Variants in SCAPER observed in about 807,000 individuals in gnomAD.
The protein encoded by SCAPER is S-phase cyclin A associated protein in the ER.
In SCAPER, 98 loss-of-function variants were observed where a neutral mutation model predicts 182.2. The observed-to-expected ratio is 0.54, with a 90% CI of 0.46 to 0.64. The LOEUF (loss-of-function observed/expected upper bound fraction) is 0.64. Among genes scored for constraint, SCAPER ranks in the 30% least tolerant of loss-of-function variants. The pLI, the probability that SCAPER is intolerant of heterozygous loss-of-function variation, is 0.00. For missense variants in SCAPER, 1,432 were observed against 1,690.0 expected (o/e 0.85, Z 2.68); for synonymous variants, 605 against 564.6 (o/e 1.07, Z -1.01).
At chr15:76,470,714 T>C (rs565426302) in intron 25 of SCAPER, among the ~76,000 whole-genome samples, 1 of 152,318 alleles carries the variant, frequency 6.6e-6, no homozygotes, top group African/African-American at 2.4e-5. Flanking sequence ...AATTGGCTGC[T>C]TGTTCCCATT....
rs2068214262 is a variant in SCAPER at position 76,828,751 on chromosome 15, T to C, written c.393+12983A>G. ...GTGAGGTAACAGAAGCCAACTCCCATAAATGCAGAAGTGAACTCTTAGCCT... is the reference window on the plus strand; with the variant it reads ...GTGAGGTAACAGAAGCCAACTCCCACAAATGCAGAAGTGAACTCTTAGCCT... On this transcript the variant is annotated intron_variant, in intron 5 of 31. Transcript: ENST00000563290. 2.6e-5 allele frequency among the ~76,000 whole-genome samples: 4 copies of C among 152,218 alleles called. No homozygotes were observed. The South Asian group carries it at 8.3e-4, about 32-fold the overall frequency.
chr15:76,625,077 C>T (rs2052443929), intron 21 of SCAPER, among the ~76,000 whole-genome samples: 1 of 152,100 alleles, frequency 6.6e-6, no homozygotes, highest in African/African-American at 2.4e-5. Context: ...TACTCGGGTA[C>T]CAACAGCGGT....
At chr15:76,868,811 T>C (rs1380522967) in intron 2 of SCAPER, among the ~76,000 whole-genome samples, 5 of 151,882 alleles carry the variant, frequency 3.3e-5, no homozygotes, top group Non-Finnish European at 5.9e-5. Flanking sequence ...GAACACAAAA[T>C]ACCCCAAACA....
intron 20 of SCAPER, among the ~76,000 whole-genome samples, chr15:76,677,864 AT>A (rs915861683): frequency 2.0e-5 from 3 of 151,772 alleles, no homozygotes; most frequent in African/African-American, 7.3e-5. Flanking sequence ...TTTAAGAGAC[AT>A]GGGGAAAAAA....
chr15:76,817,063 C>T (rs2067147506), intron 5 of SCAPER, among the ~76,000 whole-genome samples: 1 of 152,310 alleles, frequency 6.6e-6, no homozygotes, highest in Non-Finnish European at 1.5e-5. Flanking sequence ...CTATCAGCAT[C>T]ATCACAAACA....
intron 15 of SCAPER, among the ~76,000 whole-genome samples, chr15:76,738,528 C>T (rs1054617576): frequency 8.5e-6 from 1 of 117,774 alleles, no homozygotes; most frequent in South Asian, 3.2e-4. Context: ...AGCAACAAAG[C>T]GAGACTCTGT....
chr15:76,586,294 T>C (rs2048651897), intron 22 of SCAPER, among the ~76,000 whole-genome samples: 1 of 152,184 alleles, frequency 6.6e-6, no homozygotes, highest in Non-Finnish European at 1.5e-5. Flanking sequence ...TAGGAAGACA[T>C]AAATTAATTA....
At chr15:76,386,828 G>T (rs2043324460) in intron 27 of SCAPER, among the ~76,000 whole-genome samples, 1 of 152,210 alleles carries the variant, frequency 6.6e-6, no homozygotes, top group African/African-American at 2.4e-5. Context: ...GAGCAGAGAA[G>T]ATCAGGTAGA....
chr15:76,534,828 A>T lies in SCAPER; in HGVS notation c.2839-29854T>A, dbSNP rs996418453. ...AAGGTTAAATTCAATTATATTTATA[A>T]ATTACAAGGTTATAATATTGCTGAT... On this transcript the variant is annotated intron_variant, in intron 23 of 31. Transcript: ENST00000563290. 7.8e-4 allele frequency among the ~76,000 whole-genome samples: 119 copies of T among 152,268 alleles called. 1 individual carries two copies. The highest frequency in any genetic ancestry group is 7.2e-4 in the Admixed American group (11 of 15,290).
chr15:76,841,263 T>C (rs1016028601), intron 5 of SCAPER, among the ~76,000 whole-genome samples: 1 of 152,164 alleles, frequency 6.6e-6, no homozygotes, highest in African/African-American at 2.4e-5. Context: ...ATGCTGATGT[T>C]AGTGTATGGA....
chr15:76,747,981 C>CT (rs34827480), intron 15 of SCAPER, among the ~76,000 whole-genome samples: 2 of 140,310 alleles, frequency 1.4e-5, no homozygotes, highest in African/African-American at 2.6e-5. Context: ...TATGGATATT[C>CT]TTTTTTTTTT....
chr15:76,369,655 G>A (rs571524341), intron 29 of SCAPER, among the ~76,000 whole-genome samples: 2 of 152,280 alleles, frequency 1.3e-5, no homozygotes, highest in South Asian at 2.1e-4. Flanking sequence ...GCAAATGCTC[G>A]CTTAGCAAAT....
chr15:76,876,912 T>C (rs1357270734), intron 2 of SCAPER, among the ~76,000 whole-genome samples: 2 of 152,252 alleles, frequency 1.3e-5, no homozygotes, highest in Non-Finnish European at 2.9e-5. Flanking sequence ...CTAGAAAGTA[T>C]AGAAATGCTC....
At position 76,656,560 on chromosome 15, in the gene SCAPER, C is replaced by A. The variant is rs140569294; in HGVS notation, c.2645+9093G>T. Among the ~76,000 whole-genome samples the A allele has an allele frequency of 1.0e-3, 154 of 152,266 alleles. 3 individuals carry two copies. The highest frequency in any genetic ancestry group is 3.6e-3 in the African/African-American group (151 of 41,568). On this transcript the variant is annotated intron_variant, in intron 21 of 31. Transcript: ENST00000563290. ...CTTCATTAAATGGACCTAATGATAT[C>A]TAGAGAACTCTCCACCCCAAAACAA...
At chr15:76,403,639 C>T (rs1424363341) in intron 27 of SCAPER, among the ~76,000 whole-genome samples, 3 of 152,070 alleles carry the variant, frequency 2.0e-5, no homozygotes, top group Non-Finnish European at 4.4e-5. Context: ...ACTTTAGAAG[C>T]TTAGACTGGA....
intron 21 of SCAPER, among the ~76,000 whole-genome samples, chr15:76,655,782 C>A (rs1380088782): frequency 6.6e-6 from 1 of 152,076 alleles, no homozygotes; most frequent in Admixed American, 6.6e-5. Context: ...AAATTCCAAC[C>A]AAGGACTTTA....
chr15:76,572,915 T>TCACACA (rs376553582), intron 23 of SCAPER, among the ~76,000 whole-genome samples: 17,465 of 130,706 alleles, frequency 0.13, 1,400 homozygotes, highest in East Asian at 0.37. Flanking sequence ...TCTCTCTCTC[T>TCACACA]CTCTCACACA....
chr15:76,379,173 G>C (rs1034685882), intron 28 of SCAPER, among the ~76,000 whole-genome samples: 3 of 152,206 alleles, frequency 2.0e-5, no homozygotes, highest in South Asian at 4.1e-4. Flanking sequence ...CCCCTCACAT[G>C]CTGATGAAGA....
At chr15:76,413,324 T>C (rs1452798154) in intron 26 of SCAPER, among the ~76,000 whole-genome samples, 1 of 152,190 alleles carries the variant, frequency 6.6e-6, no homozygotes, top group Non-Finnish European at 1.5e-5. Context: ...AGGAAAAGTG[T>C]TTATTATTAT....
Sources: gnomAD v4.1 joint callset for allele counts (sites outside exome capture counted in the v4.1 genomes callset) on GRCh38, gnomAD v4.1.1 for gene constraint, MANE v1.5 for transcripts, NCBI Gene and HGNC (gene_info 2026-07-23, HGNC 2026-07-21) for gene names.